The following SIPA1L1 variants were observed in gnomAD, a reference collection of about 807,000 sequenced individuals.
SIPA1L1 encodes the protein signal-induced proliferation-associated 1-like protein 1.
A neutral mutation model predicts 162.7 loss-of-function variants in SIPA1L1; 26 were observed. The observed-to-expected ratio is 0.16, with a 90% CI of 0.12 to 0.22. The LOEUF (loss-of-function observed/expected upper bound fraction) is 0.22. Among genes scored for constraint, SIPA1L1 ranks in the 10% least tolerant of loss-of-function variants. The pLI, the probability that SIPA1L1 is intolerant of heterozygous loss-of-function variation, is 1.00. For synonymous variants in SIPA1L1, 829 were observed against 837.4 expected (o/e 0.99, Z 0.17); for missense variants, 1,874 against 2,241.0 (o/e 0.84, Z 3.31).
intron 2 of SIPA1L1, among the ~76,000 whole-genome samples, chr14:71,324,276 A>G (rs1189760410): frequency 1.3e-5 from 2 of 152,226 alleles, no homozygotes; most frequent in African/African-American, 2.4e-5. Context: ...CATTTTACGT[A>G]TGAGGAAACT....
intron 19 of SIPA1L1, among the ~76,000 whole-genome samples, chr14:71,725,371 G>A (rs571870199): frequency 7.9e-5 from 12 of 152,206 alleles, no homozygotes; most frequent in Admixed American, 6.5e-4. Context: ...ATGTACAGCT[G>A]CTGCTTCAAT....
chr14:71,453,236 T>C (rs1056053461), intron 2 of SIPA1L1, among the ~76,000 whole-genome samples: 8 of 152,214 alleles, frequency 5.3e-5, no homozygotes, highest in Non-Finnish European at 1.0e-4. Flanking sequence ...TTATTCATAG[T>C]AACTTTGGTT....
intron 2 of SIPA1L1, among the ~76,000 whole-genome samples, chr14:71,472,169 T>C (rs572232421): frequency 2.6e-5 from 4 of 152,348 alleles, no homozygotes; most frequent in Non-Finnish European, 4.4e-5. Context: ...GACTCTCATG[T>C]CCTTCTGTGT....
At chr14:71,346,710 C>T (rs753535894) in intron 2 of SIPA1L1, among the ~76,000 whole-genome samples, 4 of 152,212 alleles carry the variant, frequency 2.6e-5, no homozygotes, top group Non-Finnish European at 4.4e-5. Flanking sequence ...ATATAATTCA[C>T]ACATTATACA....
chr14:71,495,412 T>TAAAAGAAAA lies in SIPA1L1; in HGVS notation c.-464-17331_-464-17330insAAAAGAAAA, dbSNP rs1436923012. On this transcript the variant is annotated intron_variant, in intron 2 of 23. Coordinates refer to ENST00000381232, the MANE Select transcript of SIPA1L1 (RefSeq NM_001386936.1). Reference sequence around the variant, plus strand: ...TGTCTAATTTGATGGCATACTGTTTTTATATTTTCTTTTATATATTTAAAA... The same window carrying TAAAAGAAAA: ...TGTCTAATTTGATGGCATACTGTTTTAAAAGAAAATATATTTTCTTTTATATATTTAAAA... Among the ~76,000 whole-genome samples the TAAAAGAAAA allele has an allele frequency of 2.0e-5, 3 of 151,330 alleles. No homozygotes were observed. The East Asian group carries it at 5.8e-4, about 29-fold the overall frequency.
chr14:71,344,240 G>T (rs936509463), intron 2 of SIPA1L1, among the ~76,000 whole-genome samples: 1 of 152,192 alleles, frequency 6.6e-6, no homozygotes, highest in East Asian at 1.9e-4. Context: ...GCACATGCAG[G>T]CTTTGGAACC....
At chr14:71,373,978 GA>G (rs1188714293) in intron 2 of SIPA1L1, among the ~76,000 whole-genome samples, 2 of 152,172 alleles carry the variant, frequency 1.3e-5, no homozygotes, top group Non-Finnish European at 2.9e-5. Context: ...CATTCTGTTT[GA>G]AATGACTGGT....
At chr14:71,585,410 A>C (rs1464438008) in intron 4 of SIPA1L1, among the ~76,000 whole-genome samples, 1 of 152,172 alleles carries the variant, frequency 6.6e-6, no homozygotes, top group African/African-American at 2.4e-5. Context: ...AAATTTTTAT[A>C]TTTAAAAATA....
At chr14:71,595,165 C>T (rs2035888947) in intron 5 of SIPA1L1, among the ~76,000 whole-genome samples, 1 of 152,074 alleles carries the variant, frequency 6.6e-6, no homozygotes, top group Non-Finnish European at 1.5e-5. Context: ...TCAAGATAGG[C>T]CATCAAAGAC....
chr14:71,579,004 T>TA (rs2033535446), intron 4 of SIPA1L1, among the ~76,000 whole-genome samples: 1 of 152,246 alleles, frequency 6.6e-6, no homozygotes, highest in African/African-American at 2.4e-5. Context: ...AGAATTGTAA[T>TA]ACTTGAGCTC....
Position 71,709,381 on chromosome 14 carries a change from A to G in SIPA1L1, c.3925A>G (p.Thr1309Ala), listed in dbSNP as rs2082702847. ...CACCTCTGCTGACAGTGGCATTGAC[A>G]CCACCTCTTATGGCCCCAGCCACGG... ...QGTSADSGID[T>A]TSYGPSHGST... The change falls in exon 17 of 24, where the codon ACC becomes GCC. Residue 1309 changes from threonine (T) to alanine (A), a missense_variant. This residue lies in a region of SIPA1L1 where 936 missense variants were observed against 1,051.9 expected (regional missense o/e 0.89). Coordinates refer to ENST00000381232, the MANE Select transcript of SIPA1L1 (RefSeq NM_001386936.1). 2 of 1,614,200 alleles carry G rather than the reference A, an allele frequency of 1.2e-6. No individual in the cohort carries two copies. Among genetic ancestry groups the G allele is most frequent in the Non-Finnish European group, 8.5e-7 (1 of 1,180,030 alleles).
At chr14:71,396,231 A>G (rs1408064997) in intron 2 of SIPA1L1, among the ~76,000 whole-genome samples, 1 of 152,158 alleles carries the variant, frequency 6.6e-6, no homozygotes, top group East Asian at 1.9e-4. Flanking sequence ...GATCCCATCA[A>G]TATGCTGGTT....
chr14:71,397,692 C>T (rs540636680), intron 2 of SIPA1L1, among the ~76,000 whole-genome samples: 1 of 152,338 alleles, frequency 6.6e-6, no homozygotes, highest in East Asian at 1.9e-4. Flanking sequence ...AGTCTCTCTC[C>T]TTGCCCTTCT....
chr14:71,324,202 TG>T (rs2140167697), intron 2 of SIPA1L1, among the ~76,000 whole-genome samples: 1 of 152,376 alleles, frequency 6.6e-6, no homozygotes, highest in South Asian at 2.1e-4. Context: ...TCTTACTTTT[TG>T]TTGGACAGAT....
At chr14:71,506,630 C>G (rs1008842211) in intron 2 of SIPA1L1, among the ~76,000 whole-genome samples, 1 of 152,030 alleles carries the variant, frequency 6.6e-6, no homozygotes, top group Admixed American at 6.5e-5. Flanking sequence ...TGTGAGCCAC[C>G]GTGCTGGGCC....
At chr14:71,608,866 T>C (rs1303471154) in intron 5 of SIPA1L1, among the ~76,000 whole-genome samples, 1 of 152,126 alleles carries the variant, frequency 6.6e-6, no homozygotes, top group African/African-American at 2.4e-5. Flanking sequence ...CATTCCAGCC[T>C]GGGTGACAAA....
At chr14:71,712,442 A>C (rs2082944702) in intron 17 of SIPA1L1, among the ~76,000 whole-genome samples, 2 of 152,180 alleles carry the variant, frequency 1.3e-5, no homozygotes, top group South Asian at 4.1e-4. Flanking sequence ...TATCTTTATG[A>C]AGCTTGGAAA....
intron 4 of SIPA1L1, chr14:71,573,481 G>A: frequency 2.2e-6 from 1 of 444,600 alleles, no homozygotes; most frequent in South Asian, 1.6e-5. Context: ...TGTCTTTTGG[G>A]AACCAAGGAT....
At chr14:71,502,255 A>AAATATATATATATATATAT (rs67020418) in intron 2 of SIPA1L1, among the ~76,000 whole-genome samples, 21 of 97,552 alleles carry the variant, frequency 2.2e-4, no homozygotes, top group African/African-American at 9.0e-4. Context: ...AAAAAAAAAA[A>AAATATATATATATATATAT]ATATATATAT....
Sources: gnomAD v4.1 joint callset for allele counts (sites outside exome capture counted in the v4.1 genomes callset) on GRCh38, gnomAD v4.1.1 for gene constraint, gnomAD v4.1.1 regional missense constraint, MANE v1.5 for transcripts, NCBI Gene and HGNC (gene_info 2026-07-23, HGNC 2026-07-21) for gene names.